The following GREB1L variants were observed in gnomAD, a reference collection of about 807,000 sequenced individuals.
GREB1L encodes GREB1 like retinoic acid receptor coactivator.
In GREB1L, 17 loss-of-function variants were observed where a neutral mutation model predicts 200.8. The ratio of observed to expected loss-of-function variants is 0.08; its 90% CI spans 0.06 to 0.13. The LOEUF is 0.13. Among genes scored for constraint, GREB1L ranks in the 10% least tolerant of loss-of-function variants. GREB1L has a pLI of 1.00. For synonymous variants in GREB1L, 789 were observed against 893.0 expected (o/e 0.88, Z 2.08); for missense variants, 1,657 against 2,367.7 (o/e 0.70, Z 6.23).
intron 17 of GREB1L, among the ~76,000 whole-genome samples, chr18:21,483,779 C>G (rs1343724769): frequency 6.6e-6 from 1 of 151,948 alleles, no homozygotes; most frequent in African/African-American, 2.4e-5. Flanking sequence ...GAATTCGACA[C>G]CAGCCTGCTA....
At chr18:21,287,142 A>T (rs1183076762) in intron 1 of GREB1L, among the ~76,000 whole-genome samples, 3 of 148,270 alleles carry the variant, frequency 2.0e-5, no homozygotes, top group Admixed American at 1.3e-4. Context: ...TTATATAGGA[A>T]TTTTTTTTTT....
chr18:21,431,946 A>G (rs1489141656), intron 7 of GREB1L, among the ~76,000 whole-genome samples: 1 of 121,290 alleles, frequency 8.2e-6, no homozygotes, highest in Non-Finnish European at 1.6e-5. Context: ...TTTTTGAGAC[A>G]GAGTCTCACT....
Position 21,264,395 on chromosome 18 carries a change from A to T in GREB1L, c.-120+22002A>T, listed in dbSNP as rs192099829. ...ATCACTTTAATCTACTCCTTACTCTATTCGATGCTAATAAGGTCTCAGAAT... is the reference window on the plus strand; with the variant it reads ...ATCACTTTAATCTACTCCTTACTCTTTTCGATGCTAATAAGGTCTCAGAAT... On this transcript the variant is annotated intron_variant, in intron 1 of 32. Coordinates refer to ENST00000424526, the MANE Select transcript of GREB1L (RefSeq NM_001142966.3). Among the ~76,000 whole-genome samples, 46 of 152,138 alleles carry T rather than the reference A, an allele frequency of 3.0e-4. 1 individual carries two copies. Among genetic ancestry groups the T allele is most frequent in the Admixed American group, 3.0e-3 (46 of 15,284 alleles).
chr18:21,249,326 G>A (rs1366357474), intron 1 of GREB1L, among the ~76,000 whole-genome samples: 4 of 152,098 alleles, frequency 2.6e-5, no homozygotes, highest in Admixed American at 6.5e-5. Context: ...AATAACATCC[G>A]TATCAGCTGG....
intron 1 of GREB1L, among the ~76,000 whole-genome samples, chr18:21,362,190 G>A (rs2039590604): frequency 6.6e-6 from 1 of 151,954 alleles, no homozygotes; most frequent in Non-Finnish European, 1.5e-5. Context: ...TGTTATTTAT[G>A]AAAGATACAT....
chr18:21,431,940 T>G (rs1475179260), intron 7 of GREB1L, among the ~76,000 whole-genome samples: 3 of 126,878 alleles, frequency 2.4e-5, no homozygotes, highest in African/African-American at 3.4e-5. Flanking sequence ...TTTTTTTTTT[T>G]GAGACAGAGT....
At chr18:21,488,546 G>T (rs1479100594) in intron 18 of GREB1L, among the ~76,000 whole-genome samples, 1 of 152,128 alleles carries the variant, frequency 6.6e-6, no homozygotes, top group Non-Finnish European at 1.5e-5. Context: ...CTACCAAATG[G>T]CAACCAGAAA....
At chr18:21,357,488 C>T (rs1483646768) in intron 1 of GREB1L, among the ~76,000 whole-genome samples, 1 of 152,172 alleles carries the variant, frequency 6.6e-6, no homozygotes, top group Non-Finnish European at 1.5e-5. Flanking sequence ...TAATTTGATG[C>T]AATCTCATTT....
chr18:21,508,650 C>T, intron 27 of GREB1L, 59 bp downstream of exon 27: 1 of 1,425,210 alleles, frequency 7.0e-7, no homozygotes, highest in Non-Finnish European at 9.6e-7. Context: ...GCTCCATTCC[C>T]CTGGCATGAA....
In GREB1L at chr18:21,299,623, A is replaced by G. The variant is rs926674753; in HGVS notation, c.-120+57230A>G. On this transcript the variant is annotated intron_variant, in intron 1 of 32. Coordinates refer to ENST00000424526, the MANE Select transcript of GREB1L (RefSeq NM_001142966.3). Reference sequence around the variant, plus strand: ...GGCTGTGTTTGTCATCAAGAGTGTCACTAGCCATCTGGATGTGACCCACTA... The same window carrying G: ...GGCTGTGTTTGTCATCAAGAGTGTCGCTAGCCATCTGGATGTGACCCACTA... 5.8e-4 allele frequency among the ~76,000 whole-genome samples: 88 copies of G among 151,386 alleles called. 1 individual carries two copies. Among genetic ancestry groups the G allele is most frequent in the African/African-American group, 2.1e-3 (86 of 41,092 alleles).
intron 19 of GREB1L, among the ~76,000 whole-genome samples, chr18:21,490,552 A>C (rs916198593): frequency 1.3e-5 from 2 of 152,270 alleles, no homozygotes; most frequent in Middle Eastern, 3.4e-3. Flanking sequence ...TATAGCATGC[A>C]GTTAGTGCAT....
chr18:21,260,589 G>A (rs113373441), intron 1 of GREB1L, among the ~76,000 whole-genome samples: 21 of 152,030 alleles, frequency 1.4e-4, no homozygotes, highest in African/African-American at 4.6e-4. Context: ...GTTGACTTTT[G>A]TTAGTAGTAA....
intron 1 of GREB1L, among the ~76,000 whole-genome samples, chr18:21,286,356 T>C (rs1411107350): frequency 6.6e-6 from 1 of 152,176 alleles, no homozygotes; most frequent in Admixed American, 6.5e-5. Context: ...TATTCTTCAT[T>C]CTGTAGGGTA....
chr18:21,475,970 CAAAAAAAAAAAA>C (rs71178177), intron 16 of GREB1L, among the ~76,000 whole-genome samples: 2 of 58,380 alleles, frequency 3.4e-5, no homozygotes, highest in East Asian at 6.9e-4. Flanking sequence ...GACTCCGTCT[CAAAAAAAAAAAA>C]AAAAAAAAAA....
chr18:21,312,032 C>T (rs1331753203), intron 1 of GREB1L, among the ~76,000 whole-genome samples: 1 of 152,024 alleles, frequency 6.6e-6, no homozygotes, highest in African/African-American at 2.4e-5. Context: ...CTCTTTGTGT[C>T]CATGAGTTCT....
At chr18:21,504,594 G>C (rs569365966) in intron 23 of GREB1L, among the ~76,000 whole-genome samples, 1 of 152,296 alleles carries the variant, frequency 6.6e-6, no homozygotes, top group Admixed American at 6.5e-5. Context: ...CCAGCACTTT[G>C]GGAGGCTGAG....
intron 21 of GREB1L, among the ~76,000 whole-genome samples, chr18:21,498,783 G>A (rs2036656598): frequency 6.6e-6 from 1 of 152,218 alleles, no homozygotes. Context: ...GAGAAGGCAA[G>A]CTCTCCCCCA....
chr18:21,438,960 C>CAAAAAAAAAAAAAAAAAAAAA (rs59125788), intron 7 of GREB1L, among the ~76,000 whole-genome samples: 1 of 64,680 alleles, frequency 1.5e-5, no homozygotes, highest in Non-Finnish European at 3.5e-5. Context: ...GACTCTGTCT[C>CAAAAAAAAAAAAAAAAAAAAA]AAAAAAAAAA....
intron 7 of GREB1L, among the ~76,000 whole-genome samples, chr18:21,411,011 GT>G (rs960588050): frequency 6.6e-6 from 1 of 152,010 alleles, no homozygotes; most frequent in Non-Finnish European, 1.5e-5. Flanking sequence ...AATAAGAGAA[GT>G]ATGTCAATAG....
Sources: gnomAD v4.1 joint callset for allele counts (sites outside exome capture counted in the v4.1 genomes callset) on GRCh38, gnomAD v4.1.1 for gene constraint, MANE v1.5 for transcripts, NCBI Gene and HGNC (gene_info 2026-07-23, HGNC 2026-07-21) for gene names.